Variants in VSTM4 observed in about 807,000 individuals in gnomAD.
VSTM4 encodes V-set and transmembrane domain containing 4.
VSTM4 carries 20 observed loss-of-function variants against 36.4 expected under a neutral mutation model. That is an observed-to-expected ratio of 0.55 (90% CI 0.39 to 0.80). The LOEUF (loss-of-function observed/expected upper bound fraction) is 0.80, where lower values mean the gene tolerates loss of function less well. Among genes scored for constraint, VSTM4 ranks in the 30% least tolerant of loss-of-function variants. The pLI, the probability that VSTM4 is intolerant of heterozygous loss-of-function variation, is 0.00. For synonymous variants in VSTM4, 182 were observed against 173.9 expected, an observed-to-expected ratio of 1.05 and a Z score of -0.37; for missense variants, 392 against 404.5, an observed-to-expected ratio of 0.97 and a Z score of 0.26.
intron 2 of VSTM4, among the ~76,000 whole-genome samples, chr10:49,098,001 C>T (rs1173449691): frequency 6.6e-6 from 1 of 152,180 alleles, no homozygotes; most frequent in Non-Finnish European, 1.5e-5. Context: ...TGATGCCTGC[C>T]AGGTATGAAA....
At chr10:49,086,159 G>T in intron 2 of VSTM4, 136 bp from the exon 3 acceptor site, 1 of 536,012 alleles carries the variant, frequency 1.9e-6, no homozygotes, top group East Asian at 3.1e-5. Context: ...AGGGAGGGGT[G>T]CAAGGACTTT....
chr10:49,108,478 G>A (rs1045986742), intron 1 of VSTM4, among the ~76,000 whole-genome samples: 3 of 152,168 alleles, frequency 2.0e-5, no homozygotes, highest in Non-Finnish European at 4.4e-5. Context: ...CTGGAGCAGG[G>A]CAGGGTAGGG....
rs554459506 is a variant in VSTM4 at position 49,046,810 on chromosome 10, T to C, written c.837+173A>G. ...TTAAAGAGTTACTCTGGGAACTAAGTATGGAGAAAGGCTGACTCAAAAGCT... is the reference window on the plus strand; with the variant it reads ...TTAAAGAGTTACTCTGGGAACTAAGCATGGAGAAAGGCTGACTCAAAAGCT... On this transcript the variant is annotated intron_variant, in intron 7 of 7. Coordinates refer to ENST00000332853, the MANE Select transcript of VSTM4 (RefSeq NM_001031746.5). 1.2e-3 allele frequency among the ~76,000 whole-genome samples: 189 copies of C among 152,306 alleles called. 2 individuals are homozygous for C. The Middle Eastern group carries it at 0.037, about 30-fold the overall frequency.
At chr10:49,035,653 C>G (rs527269390) in intron 7 of VSTM4, among the ~76,000 whole-genome samples, 1 of 108,242 alleles carries the variant, frequency 9.2e-6, no homozygotes, top group South Asian at 3.2e-4. Flanking sequence ...GGGCACATAG[C>G]GAGATCCCAG....
intron 2 of VSTM4, chr10:49,103,350 G>T: frequency 4.4e-6 from 1 of 229,870 alleles, no homozygotes; most frequent in Non-Finnish European, 7.3e-6. Flanking sequence ...ACTCTTTACA[G>T]TAAGATTGAA....
rs544725224 is a variant in VSTM4 at position 49,064,685 on chromosome 10, G to T, written c.668+18C>A. 1.4e-4 allele frequency: 226 copies of T among 1,603,062 alleles called. 2 individuals are homozygous for T. Among genetic ancestry groups the T allele is most frequent in the South Asian group, 1.0e-3 (89 of 88,994 alleles). On this transcript the variant is annotated intron_variant, in intron 5 of 7. Transcript: ENST00000332853. ...TGGCAAAGAGTTTCATCTGAAAAAA[G>T]GAAGAAAATATTCTTACCTGTTCTG...
At chr10:49,045,584 C>T (rs1472373914) in intron 7 of VSTM4, among the ~76,000 whole-genome samples, 1 of 152,158 alleles carries the variant, frequency 6.6e-6, no homozygotes. Context: ...TTAACATATC[C>T]ACAAATTCAT....
chr10:49,098,976 C>G (rs902516512), intron 2 of VSTM4, among the ~76,000 whole-genome samples: 1 of 152,248 alleles, frequency 6.6e-6, no homozygotes, highest in African/African-American at 2.4e-5. Context: ...TATTTCTTCA[C>G]TGAGCCGAGC....
intron 6 of VSTM4, among the ~76,000 whole-genome samples, chr10:49,048,172 T>C (rs759852983): frequency 1.3e-5 from 2 of 152,186 alleles, no homozygotes; most frequent in African/African-American, 2.4e-5. Context: ...CATGTTTTAA[T>C]AGTACAAAGT....
chr10:49,096,031 C>T (rs1445361763), intron 2 of VSTM4, among the ~76,000 whole-genome samples: 3 of 152,212 alleles, frequency 2.0e-5, no homozygotes, highest in Non-Finnish European at 4.4e-5. Context: ...AAATTACACT[C>T]TGGTTGTCAA....
At chr10:49,091,932 A>G (rs1590123514) in intron 2 of VSTM4, among the ~76,000 whole-genome samples, 1 of 152,350 alleles carries the variant, frequency 6.6e-6, no homozygotes, top group Admixed American at 6.5e-5. Flanking sequence ...TCCAGAACGC[A>G]GGATTCGATG....
chr10:49,072,744 C>T (rs1844103547), intron 4 of VSTM4, among the ~76,000 whole-genome samples: 1 of 152,164 alleles, frequency 6.6e-6, no homozygotes, highest in Non-Finnish European at 1.5e-5. Flanking sequence ...ATCACCAGCC[C>T]TGCTGTCCTA....
rs1843991831 is a variant in VSTM4 at position 49,067,361 on chromosome 10, T to A, written c.635-2625A>T. Among the ~76,000 whole-genome samples, 3 of 152,246 alleles carry A rather than the reference T, an allele frequency of 2.0e-5. No individual in the cohort carries two copies. The South Asian group carries it at 6.2e-4, about 31-fold the overall frequency. On this transcript the variant is annotated intron_variant, in intron 4 of 7. Coordinates refer to ENST00000332853, the MANE Select transcript of VSTM4 (RefSeq NM_001031746.5). Reference sequence around the variant, plus strand: ...CTGAAGCACAGAGAGGTTAATAAACTTGCCCAAAGTCACTCAGGTGATGTT... The same window carrying A: ...CTGAAGCACAGAGAGGTTAATAAACATGCCCAAAGTCACTCAGGTGATGTT...
intron 5 of VSTM4, 185 bp downstream of exon 5, chr10:49,064,518 T>A: frequency 3.0e-6 from 2 of 674,186 alleles, no homozygotes; most frequent in Non-Finnish European, 4.9e-6. Context: ...TCCCTGGGGG[T>A]GAAAACCAGA....
At chr10:49,109,030 C>T (rs374396072) in intron 1 of VSTM4, among the ~76,000 whole-genome samples, 1 of 152,172 alleles carries the variant, frequency 6.6e-6, no homozygotes, top group East Asian at 1.9e-4. Context: ...ATGCCTGGAA[C>T]CTCTTTCTGC....
At chr10:49,083,610 C>T (rs1392944064) in intron 3 of VSTM4, among the ~76,000 whole-genome samples, 1 of 152,202 alleles carries the variant, frequency 6.6e-6, no homozygotes, top group African/African-American at 2.4e-5. Context: ...TTGGATGAGG[C>T]CTGATTCTCT....
chr10:49,034,639 T>C (rs1182879251), intron 7 of VSTM4, among the ~76,000 whole-genome samples: 1 of 152,246 alleles, frequency 6.6e-6, no homozygotes, highest in Non-Finnish European at 1.5e-5. Flanking sequence ...GAATTTTACA[T>C]AGAAATTTTC....
intron 2 of VSTM4, among the ~76,000 whole-genome samples, chr10:49,093,297 C>T (rs190282515): frequency 9.2e-5 from 14 of 152,262 alleles, no homozygotes; most frequent in Admixed American, 9.2e-4. Context: ...CATCTGTATG[C>T]TTCCCTAAAG....
intron 5 of VSTM4, among the ~76,000 whole-genome samples, chr10:49,053,493 C>A (rs1035043749): frequency 1.3e-5 from 2 of 152,210 alleles, no homozygotes; most frequent in Non-Finnish European, 2.9e-5. Flanking sequence ...GGGCTTCCAC[C>A]CACCAATCTG....
Sources: allele counts gnomAD v4.1 joint callset (sites outside exome capture counted in the v4.1 genomes callset), GRCh38; gene constraint gnomAD v4.1.1; transcripts MANE v1.5; gene names NCBI Gene and HGNC (gene_info 2026-07-23, HGNC 2026-07-21).